The following CDC7 variants were observed in gnomAD, a reference collection of about 807,000 sequenced individuals.
CDC7 encodes cell division cycle 7-related protein kinase.
A neutral mutation model predicts 53.5 loss-of-function variants in CDC7; 34 were observed. The observed-to-expected ratio is 0.64, with a 90% CI of 0.48 to 0.85. The LOEUF (loss-of-function observed/expected upper bound fraction) is 0.85, where lower values mean the gene tolerates loss of function less well. Ranked by LOEUF, CDC7 falls within the 40% of genes least tolerant of loss-of-function variation. The probability of loss-of-function intolerance (pLI) is 0.00; values close to 1 mark genes in which losing one functional copy is unlikely to be tolerated. For missense variants in CDC7, 594 were observed against 679.7 expected (o/e 0.87, Z 1.40); for synonymous variants, 211 against 222.8 (o/e 0.95, Z 0.47).
chr1:91,519,021 A>G (rs1667755153), intron 10 of CDC7, among the ~76,000 whole-genome samples: 1 of 150,224 alleles, frequency 6.7e-6, no homozygotes, highest in Admixed American at 6.7e-5. Flanking sequence ...AGATCACACT[A>G]CCACACTCTA....
intron 10 of CDC7, among the ~76,000 whole-genome samples, chr1:91,517,015 A>G (rs553068268): frequency 2.6e-4 from 39 of 152,296 alleles, no homozygotes; most frequent in Non-Finnish European, 4.1e-4. Flanking sequence ...CAGTGAGCCA[A>G]GATCGCACCA....
In CDC7 at chr1:91,524,548, C is replaced by T. The variant is rs999110194; in HGVS notation, c.*113C>T. 8.5e-6 allele frequency: 7 copies of T among 822,540 alleles called. No homozygotes were observed. Among genetic ancestry groups the T allele is most frequent in the Non-Finnish European group, 1.3e-5 (7 of 535,046 alleles). 51.0% of individuals were successfully genotyped at this position (822,540 alleles called of 1,614,324 possible). ...GAGCAGGATTAATAATTTATTTTAA[C>T]ATTTTAGTGTTTGGTGGCACATTCT... On this transcript the variant is annotated 3_prime_UTR_variant, in exon 12 of 12. Transcript: ENST00000234626.
rs775051163 is a variant in CDC7 at position 91,520,193 on chromosome 1, A to G, written c.1244A>G (p.Tyr415Cys). ...TTGCTTAGTGGACGATATCCATTTT[A>G]TAAAGCAAGTGATGATTTAACTGCT... Reference protein sequence around the residue: ...LSLLSGRYPFYKASDDLTALA... With the variant: ...LSLLSGRYPFCKASDDLTALA... The change falls in exon 11 of 12, where the codon TAT (tyrosine) becomes TGT (cysteine). Residue 415 changes from tyrosine to cysteine, a missense_variant. Coordinates refer to ENST00000234626, the MANE Select transcript of CDC7 (RefSeq NM_003503.4). 2 of 1,610,660 alleles carry G rather than the reference A, an allele frequency of 1.2e-6. No homozygotes were observed. Among genetic ancestry groups the G allele is most frequent in the Admixed American group, 1.7e-5 (1 of 59,590 alleles).
chr1:91,503,993 C>T (rs1013635145), intron 2 of CDC7, among the ~76,000 whole-genome samples: 1 of 151,744 alleles, frequency 6.6e-6, no homozygotes, highest in East Asian at 1.9e-4. Context: ...TCACCTTTTA[C>T]TATTGACCCT....
At chr1:91,518,760 G>A (rs1667739865) in intron 10 of CDC7, among the ~76,000 whole-genome samples, 2 of 152,246 alleles carry the variant, frequency 1.3e-5, no homozygotes, top group East Asian at 3.9e-4. Context: ...TGTGGGGGAT[G>A]TGGGGACAGC....
At position 91,513,474 on chromosome 1, in the gene CDC7, A is replaced by C. The variant is rs373474148; in HGVS notation, c.822+167A>C. 9.9e-4 allele frequency among the ~76,000 whole-genome samples: 151 copies of C among 152,284 alleles called. 1 individual carries two copies. Among genetic ancestry groups the C allele is most frequent in the African/African-American group, 3.4e-3 (141 of 41,568 alleles). On this transcript the variant is annotated intron_variant, in intron 7 of 11. Coordinates refer to ENST00000234626, the MANE Select transcript of CDC7 (RefSeq NM_003503.4). ...AAATTTTCACTAAGATTTGTACTGA[A>C]TCATTTTGGTTACTATTTTAAAACT...
In CDC7 at chr1:91,524,260, A is replaced by G. The variant is rs1483105223; in HGVS notation, c.1550A>G (p.Asp517Gly). The change falls in exon 12 of 12, where the codon GAT becomes GGT. Residue 517 changes from aspartate to glycine, a missense_variant. By Grantham distance (94) the Asp-to-Gly change is moderately conservative. Transcript: ENST00000234626. ...QYSGNSFKKG[D>G]SNSCEHCFDE... The stretch of plus-strand genomic sequence containing the variant: ...TCAGGGAATTCATTTAAAAAGGGGG[A>G]TAGTAATAGCTGTGAGCATTGTTTT... The G allele has an allele frequency of 1.2e-6, 2 of 1,613,984 alleles. No homozygotes were observed. Among genetic ancestry groups the G allele is most frequent in the East Asian group, 4.5e-5 (2 of 44,862 alleles).
intron 10 of CDC7, among the ~76,000 whole-genome samples, chr1:91,516,295 T>C (rs1667555756): frequency 6.6e-6 from 1 of 152,280 alleles, no homozygotes; most frequent in Non-Finnish European, 1.5e-5. Context: ...GTGATGTAGA[T>C]ATATTTGTGT....
rs537045755 is a variant in CDC7, at chr1:91,505,996, CTATTATTGT to C, written c.116-1841_116-1833del. On this transcript the variant is annotated intron_variant, in intron 2 of 11. Coordinates refer to ENST00000234626, the MANE Select transcript of CDC7 (RefSeq NM_003503.4). ...TGTCTTCCTCAGCCACATTCTATTT[CTATTATTGT>C]TATTATTGTTATTATTATTGAGACA... Among the ~76,000 whole-genome samples the C allele has an allele frequency of 4.3e-3, 661 of 152,108 alleles. 3 individuals are homozygous for C. The highest frequency in any genetic ancestry group is 0.018 in the South Asian group (86 of 4,802).
At chr1:91,505,603 A>C (rs1233185793) in intron 2 of CDC7, among the ~76,000 whole-genome samples, 4 of 152,212 alleles carry the variant, frequency 2.6e-5, no homozygotes, top group Non-Finnish European at 4.4e-5. Context: ...TTAGCATATT[A>C]TAGATTTTCG....
intron 7 of CDC7, among the ~76,000 whole-genome samples, chr1:91,513,520 A>G (rs1667399133): frequency 6.6e-6 from 1 of 152,220 alleles, no homozygotes; most frequent in African/African-American, 2.4e-5. Flanking sequence ...TTGTCAGTTT[A>G]TAACATCTGT....
chr1:91,501,900 CCT>C (rs1666711505), intron 2 of CDC7, 69 bp downstream of exon 2: 2 of 1,090,842 alleles, frequency 1.8e-6, no homozygotes, highest in South Asian at 2.6e-5. Context: ...GTTTTCAATT[CCT>C]CTCAAAAAAT....
rs1667538059 is a variant in CDC7, at chr1:91,515,968, T to G, written c.1180+92T>G. 16 of 1,025,360 alleles carry G rather than the reference T, an allele frequency of 1.6e-5. No homozygotes were observed. The South Asian group carries it at 2.2e-4, about 14-fold the overall frequency. The allele number at this position is 1,025,360 out of a possible 1,614,324, so 63.5% of individuals were successfully genotyped here. ...TCTTTGTCTATTTATAACTAATATT[T>G]GAGTTCTTCTGCTTTTAATTATGTA... On this transcript the variant is annotated intron_variant, in intron 10 of 11. Coordinates refer to ENST00000234626, the MANE Select transcript of CDC7 (RefSeq NM_003503.4).
chr1:91,517,477 A>T (rs1667623965), intron 10 of CDC7, among the ~76,000 whole-genome samples: 1 of 152,190 alleles, frequency 6.6e-6, no homozygotes, highest in South Asian at 2.1e-4. Flanking sequence ...GTGTACCAGT[A>T]ACCAAGGTGG....
At chr1:91,519,540 T>G (rs1667803974) in intron 10 of CDC7, among the ~76,000 whole-genome samples, 1 of 152,188 alleles carries the variant, frequency 6.6e-6, no homozygotes, top group South Asian at 2.1e-4. Context: ...ACTGCATGCC[T>G]GTATCAAAAC....
In CDC7 at chr1:91,524,938, A is replaced by C. The variant is rs1212434777; in HGVS notation, c.*503A>C. The C allele has an allele frequency of 6.6e-6, 1 of 152,280 alleles. No individual in the cohort carries two copies. Among genetic ancestry groups the C allele is most frequent in the African/African-American group, 2.4e-5 (1 of 41,454 alleles). 9.4% of individuals were successfully genotyped at this position (152,280 alleles called of 1,614,324 possible). A position where few individuals can be genotyped will look rare whatever the true frequency, so the allele number is the denominator to read the frequency against. ...GGTACATATTAGGCCTTTTATGAACACTAAAACAATGAGGAAATGTTGGTC... is the reference window on the plus strand; with the variant it reads ...GGTACATATTAGGCCTTTTATGAACCCTAAAACAATGAGGAAATGTTGGTC... On this transcript the variant is annotated 3_prime_UTR_variant, in exon 12 of 12. Coordinates refer to ENST00000234626, the MANE Select transcript of CDC7 (RefSeq NM_003503.4).
At chr1:91,503,986 C>A (rs1237342865) in intron 2 of CDC7, among the ~76,000 whole-genome samples, 1 of 151,794 alleles carries the variant, frequency 6.6e-6, no homozygotes. Flanking sequence ...TATTCAATCA[C>A]CTTTTACTAT....
At position 91,513,260 on chromosome 1, in the gene CDC7, C is replaced by T. The variant is rs202238183; in HGVS notation, c.775C>T (p.Pro259Ser). Residue 259 changes from proline to serine, a missense_variant, in exon 7 of 12, where the codon CCC (proline) becomes TCC (serine). Coordinates refer to ENST00000234626, the MANE Select transcript of CDC7 (RefSeq NM_003503.4). Reference protein sequence around the residue: ...QSTTKASVKRPYTNAQIQIKQ... With the variant: ...QSTTKASVKRSYTNAQIQIKQ... ...CACCACAAAAGCTTCTGTTAAAAGA[C>T]CCTACACAAATGCACAAATTCAGAT... 5.4e-5 allele frequency: 87 copies of T among 1,613,364 alleles called. 1 individual carries two copies. The highest frequency in any genetic ancestry group is 7.0e-5 in the Non-Finnish European group (83 of 1,179,430).
intron 7 of CDC7, 96 bp downstream of exon 7, chr1:91,513,403 A>C: frequency 1.8e-6 from 2 of 1,138,782 alleles, no homozygotes; most frequent in Non-Finnish European, 2.4e-6. Context: ...AGTACTTATA[A>C]TTTAAAAAAC....
Sources: gnomAD v4.1 joint callset for allele counts (sites outside exome capture counted in the v4.1 genomes callset) on GRCh38, gnomAD v4.1.1 for gene constraint, MANE v1.5 for transcripts, NCBI Gene and HGNC (gene_info 2026-07-23, HGNC 2026-07-21) for gene names.